The following TMEFF1 variants were observed in gnomAD, a reference collection of about 807,000 sequenced individuals.
The protein encoded by TMEFF1 is tomoregulin-1.
In TMEFF1, 20 loss-of-function variants were observed where a neutral mutation model predicts 47.5. That is an observed-to-expected ratio of 0.42 (90% confidence interval 0.30 to 0.61). The LOEUF (loss-of-function observed/expected upper bound fraction) is 0.61. TMEFF1 is among the 20% of genes least tolerant of loss of function. The probability of loss-of-function intolerance (pLI) is 0.19; values close to 1 mark genes in which losing one functional copy is unlikely to be tolerated. For missense variants in TMEFF1, 411 were observed against 471.1 expected, an observed-to-expected ratio of 0.87 and a Z score of 1.18; for synonymous variants, 162 against 166.3, an observed-to-expected ratio of 0.97 and a Z score of 0.20.
chr9:100,478,875 G>A (rs1837285702), intron 1 of TMEFF1, among the ~76,000 whole-genome samples: 2 of 152,156 alleles, frequency 1.3e-5, no homozygotes, highest in African/African-American at 4.8e-5. Flanking sequence ...TTCTAGCTTA[G>A]GGAATATGGT....
intron 5 of TMEFF1, among the ~76,000 whole-genome samples, chr9:100,533,992 C>A (rs1207958676): frequency 6.6e-6 from 1 of 152,162 alleles, no homozygotes; most frequent in Non-Finnish European, 1.5e-5. Flanking sequence ...GCTGGGATTA[C>A]AGGCGTGAGC....
At chr9:100,570,923 A>G (rs1839227714) in intron 8 of TMEFF1, among the ~76,000 whole-genome samples, 1 of 152,142 alleles carries the variant, frequency 6.6e-6, no homozygotes, top group South Asian at 2.1e-4. Context: ...TAATTTATAC[A>G]TTTCACTGCT....
intron 1 of TMEFF1, among the ~76,000 whole-genome samples, chr9:100,489,703 A>G (rs1837515096): frequency 6.6e-6 from 1 of 152,212 alleles, no homozygotes; most frequent in Non-Finnish European, 1.5e-5. Context: ...TGTTACATAC[A>G]TTTTAAAAAG....
At chr9:100,497,402 AT>A (rs992591725) in intron 1 of TMEFF1, among the ~76,000 whole-genome samples, 1 of 145,888 alleles carries the variant, frequency 6.9e-6, no homozygotes, top group African/African-American at 2.6e-5. Context: ...AAGGAAAATA[AT>A]TTTTTGTAAC....
chr9:100,522,063 G>A (rs72735155), intron 5 of TMEFF1, among the ~76,000 whole-genome samples: 398 of 152,274 alleles, frequency 2.6e-3, no homozygotes, highest in Non-Finnish European at 4.4e-3. Context: ...CCCTCAGAAG[G>A]TGCAGTGATA....
intron 5 of TMEFF1, chr9:100,518,516 A>G (rs1481479825): frequency 4.4e-5 from 43 of 985,314 alleles, no homozygotes; most frequent in Non-Finnish European, 5.1e-5. Flanking sequence ...TAAGGAGCAC[A>G]TAGACAGTGA....
At chr9:100,536,766 T>G (rs1838520219) in intron 5 of TMEFF1, among the ~76,000 whole-genome samples, 1 of 152,218 alleles carries the variant, frequency 6.6e-6, no homozygotes, top group Non-Finnish European at 1.5e-5. Context: ...AGCAAGATAA[T>G]CATCAATCTG....
intron 5 of TMEFF1, among the ~76,000 whole-genome samples, chr9:100,528,892 C>G (rs1277519455): frequency 7.0e-6 from 1 of 142,396 alleles, no homozygotes; most frequent in African/African-American, 2.6e-5. Context: ...CAGCAGATCT[C>G]TCGGCAGAAA....
intron 5 of TMEFF1, among the ~76,000 whole-genome samples, chr9:100,532,513 A>T (rs1838406778): frequency 6.6e-6 from 1 of 152,188 alleles, no homozygotes; most frequent in Non-Finnish European, 1.5e-5. Context: ...GCCATCAGAG[A>T]AATGCAAATC....
chr9:100,479,739 A>G (rs539793832), intron 1 of TMEFF1, among the ~76,000 whole-genome samples: 1 of 152,374 alleles, frequency 6.6e-6, no homozygotes, highest in South Asian at 2.1e-4. Context: ...CATTGTATGG[A>G]TAAACCACAT....
intron 5 of TMEFF1, among the ~76,000 whole-genome samples, chr9:100,522,739 A>G (rs1838187448): frequency 6.8e-6 from 1 of 148,052 alleles, no homozygotes; most frequent in Non-Finnish European, 1.5e-5. Flanking sequence ...CTGGCCTTCC[A>G]GAAATATCTT....
At chr9:100,546,781 A>G (rs1838739849) in intron 5 of TMEFF1, among the ~76,000 whole-genome samples, 1 of 152,184 alleles carries the variant, frequency 6.6e-6, no homozygotes, top group Non-Finnish European at 1.5e-5. Flanking sequence ...TGCTATAAAC[A>G]GGAGAGTCTC....
intron 5 of TMEFF1, among the ~76,000 whole-genome samples, chr9:100,543,705 AC>A (rs1405171514): frequency 5.8e-4 from 12 of 20,516 alleles, no homozygotes; most frequent in Non-Finnish European, 9.0e-4. Context: ...ATGAAGTAAA[AC>A]ACACACACAC....
chr9:100,543,291 C>T (rs1295351693), intron 5 of TMEFF1, among the ~76,000 whole-genome samples: 3 of 152,178 alleles, frequency 2.0e-5, no homozygotes, highest in Non-Finnish European at 2.9e-5. Context: ...TTAATTTCCT[C>T]TGACCTGTCT....
At chr9:100,498,363 A>G (rs1837697115) in intron 1 of TMEFF1, among the ~76,000 whole-genome samples, 1 of 152,188 alleles carries the variant, frequency 6.6e-6, no homozygotes, top group Non-Finnish European at 1.5e-5. Context: ...ATCTCATTTA[A>G]TTAATATTAC....
At chr9:100,483,117 A>G (rs1334190411) in intron 1 of TMEFF1, among the ~76,000 whole-genome samples, 1 of 152,128 alleles carries the variant, frequency 6.6e-6, no homozygotes, top group Non-Finnish European at 1.5e-5. Flanking sequence ...AAACACATGA[A>G]TTTATATATG....
At chr9:100,493,982 A>C (rs1837605669) in intron 1 of TMEFF1, among the ~76,000 whole-genome samples, 1 of 152,134 alleles carries the variant, frequency 6.6e-6, no homozygotes, top group Non-Finnish European at 1.5e-5. Flanking sequence ...CAAGAATTCA[A>C]GATCAGCCTG....
intron 8 of TMEFF1, among the ~76,000 whole-genome samples, chr9:100,568,576 CTCCTTCCTTCCCTCCCTCTCT>C (rs1438853290): frequency 6.9e-6 from 1 of 145,008 alleles, no homozygotes; most frequent in Non-Finnish European, 1.5e-5. Context: ...TCCTCCCTCC[CTCCTTCCTTCCCTCCCTCTCT>C]TCCTTCCTTC....
At chr9:100,574,224 G>A (rs1283816778) in intron 9 of TMEFF1, among the ~76,000 whole-genome samples, 1 of 152,168 alleles carries the variant, frequency 6.6e-6, no homozygotes, top group Non-Finnish European at 1.5e-5. Context: ...ATTTTTCAGA[G>A]TATTAATGAG....
Sources: allele counts gnomAD v4.1 joint callset (sites outside exome capture counted in the v4.1 genomes callset), GRCh38; gene constraint gnomAD v4.1.1; transcripts MANE v1.5; gene names NCBI Gene and HGNC (gene_info 2026-07-23, HGNC 2026-07-21).